The following CLDN2 variants were observed in gnomAD, a reference collection of about 807,000 sequenced individuals.
CLDN2 encodes claudin 2.
Under a neutral mutation model 8.2 loss-of-function variants are expected in CLDN2, and 1 was observed. The observed-to-expected ratio is 0.12, with a 90% CI of 0.04 to 0.58. The LOEUF (loss-of-function observed/expected upper bound fraction) is 0.58, where lower values mean the gene tolerates loss of function less well. CLDN2 is among the 20% of genes least tolerant of loss of function. The pLI is 0.90. For synonymous variants in CLDN2, 70 were observed against 70.2 expected, an observed-to-expected ratio of 1.00 and a Z score of 0.01; for missense variants, 108 against 172.9, an observed-to-expected ratio of 0.62 and a Z score of 2.11.
Position 106,928,279 on chromosome X carries a change from G to T in CLDN2, c.51G>T (p.Gly17=). Residue 17 remains glycine, a synonymous_variant, in exon 2 of 2, where the codon GGG becomes GGT. Coordinates refer to ENST00000336803, the MANE Select transcript of CLDN2 (RefSeq NM_020384.4). ...QLVGYILGLL[G]LLGTLVAMLL... ...TGGGCTACATCCTAGGCCTTCTGGG[G>T]CTTTTGGGCACACTGGTTGCCATGC... is the stretch of plus-strand genomic sequence containing the variant. The T allele has an allele frequency of 8.3e-7, 1 of 1,211,993 alleles. No individual in the cohort carries two copies.
intron 1 of CLDN2, among the ~76,000 whole-genome samples, chrX:106,913,051 G>A (rs1213854494): frequency 9.0e-6 from 1 of 111,260 alleles, no homozygotes. Context: ...ACTAATGCAT[G>A]ATGTTACAAA....
rs905228764 is a variant in CLDN2, at chrX:106,929,889, G to A, written c.*968G>A. The A allele has an allele frequency of 1.6e-5, 2 of 123,518 alleles. No individual in the cohort carries two copies. The allele number at this position is 123,518 out of a possible 1,213,427, so 10.2% of individuals were successfully genotyped here. ...ACAGTAAACCAGTTTTTCTAGGGAT[G>A]GCCCTTGGCTGGGGGATGACAGTGT... On this transcript the variant is annotated 3_prime_UTR_variant, in exon 2 of 2. Transcript: ENST00000336803.
At chrX:106,904,680 G>C (rs1225571521) in intron 1 of CLDN2, among the ~76,000 whole-genome samples, 1 of 112,163 alleles carries the variant, frequency 8.9e-6, no homozygotes, top group East Asian at 2.8e-4. Flanking sequence ...GTCCCACTAT[G>C]TTCTTTTCAG....
intron 1 of CLDN2, among the ~76,000 whole-genome samples, chrX:106,924,423 T>C (rs1362020385): frequency 9.0e-6 from 1 of 110,889 alleles, no homozygotes; most frequent in African/African-American, 3.3e-5. Context: ...TCAGGACAGG[T>C]ACAATTGTGC....
intron 1 of CLDN2, among the ~76,000 whole-genome samples, chrX:106,912,943 G>C (rs768987564): frequency 9.0e-6 from 1 of 111,253 alleles, no homozygotes; most frequent in Admixed American, 9.6e-5. Flanking sequence ...AGATTAGTAG[G>C]GATACTAATG....
chrX:106,915,966 A>G (rs966496790), upstream of CLDN2, among the ~76,000 whole-genome samples: 4 of 110,505 alleles, frequency 3.6e-5, no homozygotes, highest in South Asian at 3.9e-4. Flanking sequence ...GATGAAAATA[A>G]CAATTGAAAG....
chrX:106,921,018 C>G (rs2147792363), intron 1 of CLDN2, among the ~76,000 whole-genome samples: 1 of 111,761 alleles, frequency 8.9e-6, no homozygotes, highest in Non-Finnish European at 1.9e-5. Context: ...CCTTCAAGGA[C>G]TCTCCCTCAC....
chrX:106,905,398 T>C (rs1346554547), intron 1 of CLDN2, among the ~76,000 whole-genome samples: 1 of 112,303 alleles, frequency 8.9e-6, no homozygotes, highest in Non-Finnish European at 1.9e-5. Context: ...AAGTGCAAGA[T>C]AGATCCCAGG....
At chrX:106,903,257 T>C in intron 1 of CLDN2, 1 of 1,207,526 alleles carries the variant, frequency 8.3e-7, no homozygotes, top group Non-Finnish European at 1.1e-6. Flanking sequence ...GGAACAGGGG[T>C]GGCAGCAGCA....
chrX:106,904,092 C>T (rs1171972976), intron 1 of CLDN2, among the ~76,000 whole-genome samples: 1 of 112,483 alleles, frequency 8.9e-6, no homozygotes, highest in Non-Finnish European at 1.9e-5. Context: ...AGGCAAAGTT[C>T]TGCCCGACTA....
At chrX:106,911,124 A>C (rs1202289702) in intron 1 of CLDN2, among the ~76,000 whole-genome samples, 1 of 111,737 alleles carries the variant, frequency 8.9e-6, no homozygotes, top group Non-Finnish European at 1.9e-5. Context: ...ATCTTTTACC[A>C]TGCAGGTGAT....
chrX:106,914,339 T>G (rs1933286310), upstream of CLDN2, among the ~76,000 whole-genome samples: 2 of 110,803 alleles, frequency 1.8e-5, no homozygotes, highest in African/African-American at 6.6e-5. Flanking sequence ...AACATGGGAG[T>G]GATATCTCAT....
At chrX:106,900,958 G>A in intron 1 of CLDN2, 10 of 1,153,658 alleles carry the variant, frequency 8.7e-6, no homozygotes, top group Non-Finnish European at 1.2e-5. Flanking sequence ...TATGTGCAGA[G>A]GGGCCAGTAG....
chrX:106,905,166 G>A (rs1351259730), intron 1 of CLDN2, among the ~76,000 whole-genome samples: 2 of 112,447 alleles, frequency 1.8e-5, no homozygotes, highest in African/African-American at 3.2e-5. Context: ...CTTGTTCTGG[G>A]TGACTTCAAA....
intron 1 of CLDN2, chrX:106,902,123 C>T (rs1310952747): frequency 1.7e-6 from 2 of 1,184,872 alleles, no homozygotes; most frequent in South Asian, 1.9e-5. Flanking sequence ...ACACACGTCA[C>T]AAGGGCTCGA....
chrX:106,925,774 A>C (rs1933457325), intron 1 of CLDN2, among the ~76,000 whole-genome samples: 1 of 112,466 alleles, frequency 8.9e-6, no homozygotes, highest in Non-Finnish European at 1.9e-5. Context: ...TGGGAGGCTG[A>C]GGTGGGCGGA....
At chrX:106,921,565 C>G (rs973215826) in intron 1 of CLDN2, among the ~76,000 whole-genome samples, 2 of 111,822 alleles carry the variant, frequency 1.8e-5, no homozygotes, top group African/African-American at 6.5e-5. Flanking sequence ...AGCCTGGGAA[C>G]CCCAAGTGCC....
At chrX:106,908,771 A>G (rs1228997939) in intron 1 of CLDN2, among the ~76,000 whole-genome samples, 1 of 109,724 alleles carries the variant, frequency 9.1e-6, no homozygotes, top group African/African-American at 3.3e-5. Flanking sequence ...TTCATACTCT[A>G]TAACAATGTT....
At chrX:106,914,912 G>C (rs971297214), upstream of CLDN2, among the ~76,000 whole-genome samples, 5 of 111,179 alleles carry the variant, frequency 4.5e-5, no homozygotes, top group Non-Finnish European at 9.4e-5. Flanking sequence ...TCACTCTTTT[G>C]GGTGTGCAGC....
Sources: allele counts gnomAD v4.1 joint callset (sites outside exome capture counted in the v4.1 genomes callset), GRCh38; gene constraint gnomAD v4.1.1; transcripts MANE v1.5; gene names NCBI Gene and HGNC (gene_info 2026-07-23, HGNC 2026-07-21).